Variants in ZMIZ1 observed in about 807,000 individuals in gnomAD.
The protein encoded by ZMIZ1 is zinc finger MIZ domain-containing protein 1.
Under a neutral mutation model 113.9 loss-of-function variants are expected in ZMIZ1, and 17 were observed. That is an observed-to-expected ratio of 0.15 (90% confidence interval 0.10 to 0.22). The LOEUF (loss-of-function observed/expected upper bound fraction) is 0.22, where lower values mean the gene tolerates loss of function less well. Among genes scored for constraint, ZMIZ1 ranks in the 10% least tolerant of loss-of-function variants. The pLI is 1.00. For synonymous variants in ZMIZ1, 607 were observed against 603.1 expected, an observed-to-expected ratio of 1.01 and a Z score of -0.09; for missense variants, 1,059 against 1,477.8, an observed-to-expected ratio of 0.72 and a Z score of 4.65.
At chr10:79,311,670 T>C (rs1431819272) in intron 24 of ZMIZ1, among the ~76,000 whole-genome samples, 1 of 151,920 alleles carries the variant, frequency 6.6e-6, no homozygotes, top group East Asian at 1.9e-4. Flanking sequence ...GAGGCCCCCA[T>C]GTGGGTGACA....
At chr10:79,213,669 G>T (rs1273749530) in intron 6 of ZMIZ1, among the ~76,000 whole-genome samples, 1 of 152,206 alleles carries the variant, frequency 6.6e-6, no homozygotes, top group Non-Finnish European at 1.5e-5. Flanking sequence ...TGAACCCAGG[G>T]CCTGAGGGTC....
At chr10:79,168,265 G>A (rs1846444012) in intron 4 of ZMIZ1, among the ~76,000 whole-genome samples, 1 of 152,328 alleles carries the variant, frequency 6.6e-6, no homozygotes, top group African/African-American at 2.4e-5. Context: ...TACCCAAAGC[G>A]GAGCTCCCCC....
chr10:79,109,592 A>G (rs2132289315), intron 1 of ZMIZ1, among the ~76,000 whole-genome samples: 1 of 152,118 alleles, frequency 6.6e-6, no homozygotes, highest in East Asian at 1.9e-4. Flanking sequence ...AGGCCCCCAC[A>G]CTGGGTTCCT....
chr10:79,113,574 A>C (rs1843846122), intron 1 of ZMIZ1, among the ~76,000 whole-genome samples: 1 of 152,176 alleles, frequency 6.6e-6, no homozygotes, highest in Admixed American at 6.5e-5. Context: ...CCCACCCCAC[A>C]GGCTGTTGTT....
intron 7 of ZMIZ1, among the ~76,000 whole-genome samples, chr10:79,236,431 GC>G (rs1292425091): frequency 2.0e-5 from 3 of 152,220 alleles, no homozygotes; most frequent in Admixed American, 1.3e-4. Context: ...CCATTCGGAA[GC>G]CCCCATCAAA....
intron 7 of ZMIZ1, among the ~76,000 whole-genome samples, chr10:79,223,325 C>T (rs1005951864): frequency 1.3e-5 from 2 of 152,260 alleles, no homozygotes; most frequent in Non-Finnish European, 2.9e-5. Context: ...CAGGCAGGCC[C>T]TTGCCCTTGA....
intron 7 of ZMIZ1, among the ~76,000 whole-genome samples, chr10:79,239,152 C>T (rs970463325): frequency 1.3e-5 from 2 of 151,704 alleles, no homozygotes; most frequent in African/African-American, 2.4e-5. Context: ...TGCCCTGACC[C>T]CTCAGAGGTT....
At chr10:79,165,956 G>GTCTGGGCTCTTCCTGCAGCTCAGC (rs1846310923) in intron 4 of ZMIZ1, among the ~76,000 whole-genome samples, 9 of 64,620 alleles carry the variant, frequency 1.4e-4, no homozygotes, top group Middle Eastern at 7.4e-3. Flanking sequence ...AGCTGTGTGT[G>GTCTGGGCTCTTCCTGCAGCTCAGC]TGTGTGTGTG....
chr10:79,169,422 T>C lies in ZMIZ1; in HGVS notation c.-50+7289T>C, dbSNP rs574164695. The stretch of plus-strand genomic sequence containing the variant: ...ACTTTGATGCACTAGAACCTATAAA[T>C]AATCTGGAGCATTTTTATCTGTGTA... On this transcript the variant is annotated intron_variant, in intron 4 of 24. Transcript: ENST00000334512. Among the ~76,000 whole-genome samples, 19 of 152,320 alleles carry C rather than the reference T, an allele frequency of 1.2e-4. No homozygotes were observed. In the East Asian group the frequency reaches 3.7e-3, roughly 29 times the overall value.
intron 3 of ZMIZ1, among the ~76,000 whole-genome samples, chr10:79,158,764 G>C (rs1057412742): frequency 6.6e-6 from 1 of 152,190 alleles, no homozygotes; most frequent in African/African-American, 2.4e-5. Context: ...ATGATGGGGG[G>C]AACCCCTCTT....
intron 1 of ZMIZ1, among the ~76,000 whole-genome samples, chr10:79,093,094 T>C (rs1843033520): frequency 6.7e-6 from 1 of 148,606 alleles, no homozygotes; most frequent in African/African-American, 2.5e-5. Context: ...AGGTCCAAGC[T>C]TCAGATAATT....
At chr10:79,131,892 C>G (rs1321197143) in intron 2 of ZMIZ1, among the ~76,000 whole-genome samples, 2 of 152,194 alleles carry the variant, frequency 1.3e-5, no homozygotes, top group Non-Finnish European at 2.9e-5. Flanking sequence ...TCTTTGTCTT[C>G]CCTTACAAGT....
intron 7 of ZMIZ1, among the ~76,000 whole-genome samples, chr10:79,228,083 G>A (rs936823292): frequency 4.6e-5 from 7 of 152,320 alleles, no homozygotes; most frequent in East Asian, 1.9e-4. Flanking sequence ...CTTCTGTCTC[G>A]CCAAGTCTTC....
intron 1 of ZMIZ1, among the ~76,000 whole-genome samples, chr10:79,081,145 C>T (rs914803048): frequency 1.3e-4 from 20 of 152,048 alleles, no homozygotes; most frequent in Admixed American, 8.5e-4. Context: ...CAGAAGGATA[C>T]CTCTCCCCTA....
chr10:79,136,067 C>T (rs1020029812), intron 2 of ZMIZ1, among the ~76,000 whole-genome samples: 3 of 152,196 alleles, frequency 2.0e-5, no homozygotes, highest in Admixed American at 6.5e-5. Flanking sequence ...CCTGCCTCCT[C>T]CCCCAGGCCT....
intron 5 of ZMIZ1, among the ~76,000 whole-genome samples, chr10:79,203,530 C>T (rs534327719): frequency 9.2e-5 from 14 of 152,276 alleles, no homozygotes; most frequent in Admixed American, 8.5e-4. Flanking sequence ...CTGGCAGGGG[C>T]CCCGCCCTCC....
chr10:79,257,579 G>A (rs1439293724), intron 7 of ZMIZ1, among the ~76,000 whole-genome samples: 1 of 152,238 alleles, frequency 6.6e-6, no homozygotes, highest in Non-Finnish European at 1.5e-5. Context: ...AGCATTGGGA[G>A]GTGACTGATC....
At chr10:79,211,845 C>T (rs570603860) in intron 6 of ZMIZ1, among the ~76,000 whole-genome samples, 20 of 152,344 alleles carry the variant, frequency 1.3e-4, no homozygotes, top group African/African-American at 2.9e-4. Flanking sequence ...GCTTAGGGAA[C>T]GGCGGAAGAC....
rs1397178823 is a variant in ZMIZ1, at chr10:79,069,826, C to T, written c.-337+556C>T. 1.3e-5 allele frequency among the ~76,000 whole-genome samples: 2 copies of T among 151,852 alleles called. No homozygotes were observed. The highest frequency in any genetic ancestry group is 3.9e-4 in the East Asian group (2 of 5,152). ...CACTTTTGTAAATGGGAGGTGGGGGCGCGGTTAAGTTGTTTGTGTGGGAAT... is the reference window on the plus strand; with the variant it reads ...CACTTTTGTAAATGGGAGGTGGGGGTGCGGTTAAGTTGTTTGTGTGGGAAT... On this transcript the variant is annotated intron_variant, in intron 1 of 24. Transcript: ENST00000334512. This position sits in a 1 kb window ranked among gnomAD's most constrained non-coding sequence, Gnocchi z 4.6.
Sources: gnomAD v4.1 joint callset for allele counts (sites outside exome capture counted in the v4.1 genomes callset) on GRCh38, gnomAD v4.1.1 for gene constraint, Gnocchi (gnomAD v3.1) non-coding constraint, MANE v1.5 for transcripts, NCBI Gene and HGNC (gene_info 2026-07-23, HGNC 2026-07-21) for gene names.